Variants in THBS4 observed in about 807,000 individuals in gnomAD.
The protein encoded by THBS4 is thrombospondin-4.
In THBS4, 90 loss-of-function variants were observed where a neutral mutation model predicts 115.7. That is an observed-to-expected ratio of 0.78 (90% CI 0.66 to 0.93). The LOEUF (loss-of-function observed/expected upper bound fraction) is 0.93, where lower values mean the gene tolerates loss of function less well. Among genes scored for constraint, THBS4 ranks in the 40% least tolerant of loss-of-function variants. The pLI is 0.00. For synonymous variants in THBS4, 460 were observed against 479.3 expected (o/e 0.96, Z 0.53); for missense variants, 1,087 against 1,232.7 (o/e 0.88, Z 1.77).
chr5:80,076,356 G>T (rs941967187), intron 15 of THBS4: 3 of 152,278 alleles, frequency 2.0e-5, no homozygotes, highest in Non-Finnish European at 4.4e-5. Flanking sequence ...GCAACATTCT[G>T]ATTTTCATCA....
At chr5:80,032,246 C>A (rs533466157), upstream of THBS4, among the ~76,000 whole-genome samples, 63 of 152,256 alleles carry the variant, frequency 4.1e-4, no homozygotes, top group African/African-American at 1.4e-3. Context: ...TACTGAGACT[C>A]CCTAGCGAAT....
intron 15 of THBS4, 142 bp from the exon 16 acceptor site, chr5:80,076,711 TAA>T (rs1743234068): frequency 2.7e-6 from 2 of 751,628 alleles, no homozygotes; most frequent in African/African-American, 3.6e-5. Flanking sequence ...CAGCCTTATC[TAA>T]GGGAATGACC....
Position 80,083,105 on chromosome 5 carries a change from G to C in THBS4, c.2850G>C (p.Glu950Asp). 6.2e-7 allele frequency: 1 copy of C among 1,614,034 alleles called. No homozygotes were observed. The highest frequency in any genetic ancestry group is 1.1e-5 in the South Asian group (1 of 91,082). Residue 950 changes from glutamate to aspartate, a missense_variant, in exon 22 of 22, where the codon GAG becomes GAC. Around this residue, in one of 3 missense-constraint regions of THBS4, gnomAD observed 103 missense variants for 108.2 expected, o/e 0.95. Coordinates refer to ENST00000350881, the MANE Select transcript of THBS4 (RefSeq NM_003248.6). ...CNDTIPEDFQ[E>D]FQTQNFDRFD... ...ACACCATCCCTGAGGACTTCCAAGA[G>C]TTTCAAACCCAGAATTTCGACCGCT...
At chr5:80,081,243 G>A (rs1171374391) in intron 20 of THBS4, among the ~76,000 whole-genome samples, 1 of 152,124 alleles carries the variant, frequency 6.6e-6, no homozygotes, top group Admixed American at 6.5e-5. Context: ...GTGACATTAT[G>A]TCAAATGTAC....
chr5:80,061,728 T>G lies in THBS4; in HGVS notation c.1021T>G (p.Cys341Gly). 6.2e-7 allele frequency: 1 copy of G among 1,614,214 alleles called. No individual in the cohort carries two copies. Among genetic ancestry groups the G allele is most frequent in the South Asian group, 1.1e-5 (1 of 91,080 alleles). The change falls in exon 8 of 22, where the codon TGC becomes GGC. Residue 341 changes from cysteine to glycine, a missense_variant. Cys to Gly is a radical substitution (Grantham distance 159). Coordinates refer to ENST00000350881, the MANE Select transcript of THBS4 (RefSeq NM_003248.6). ...KYHPCYPGVH[C>G]INLSPGFRCD... is the part of the protein sequence containing the mutation. Reference sequence around the variant, plus strand: ...CCATCCCTGCTACCCGGGCGTGCACTGCATAAATTTGTCTCCTGGCTTCAG... The same window carrying G: ...CCATCCCTGCTACCCGGGCGTGCACGGCATAAATTTGTCTCCTGGCTTCAG...
At chr5:80,081,751 A>C (rs1022338386) in intron 20 of THBS4, among the ~76,000 whole-genome samples, 2 of 152,236 alleles carry the variant, frequency 1.3e-5, no homozygotes, top group Non-Finnish European at 2.9e-5. Flanking sequence ...AGGCCCTGAT[A>C]GTTGCTCTTT....
At position 80,070,744 on chromosome 5, in the gene THBS4, T is replaced by C. The variant is rs1834015005; in HGVS notation, c.1554T>C (p.Asn518=). The change falls in exon 12 of 22, where the codon AAT becomes AAC. Residue 518 remains asparagine, a synonymous_variant. Coordinates refer to ENST00000350881, the MANE Select transcript of THBS4 (RefSeq NM_003248.6). Reference sequence around the variant, plus strand: ...ATGCTGACGGAGATGGGATCCTGAATGAGCAGGTACCTGCTTCGCTGGGAG... The same window carrying C: ...ATGCTGACGGAGATGGGATCCTGAACGAGCAGGTACCTGCTTCGCTGGGAG... ...DEDADGDGIL[N]EQDNCVLIHN... is the part of the protein sequence containing the mutation. 6.2e-7 allele frequency: 1 copy of C among 1,614,054 alleles called. No individual in the cohort carries two copies. Among genetic ancestry groups the C allele is most frequent in the African/African-American group, 1.3e-5 (1 of 74,926 alleles).
intron 20 of THBS4, 159 bp from the exon 21 acceptor site, chr5:80,082,247 C>G (rs2918422): frequency 0.53 from 469,060 of 891,796 alleles, 125,961 homozygotes; most frequent in African/African-American, 0.68. Flanking sequence ...AAGTAAGTGG[C>G]AACAGCTACA....
At chr5:80,007,678 T>C (rs902585280) in intron 2 of THBS4, among the ~76,000 whole-genome samples, 1 of 152,206 alleles carries the variant, frequency 6.6e-6, no homozygotes, top group African/African-American at 2.4e-5. Context: ...AATAGAACTG[T>C]AGCCCAGAGA....
intron 2 of THBS4, among the ~76,000 whole-genome samples, chr5:79,999,715 C>T (rs1831860180): frequency 6.6e-6 from 1 of 152,138 alleles, no homozygotes; most frequent in African/African-American, 2.4e-5. Context: ...GCAAAGTCTC[C>T]TAGCATTTAA....
exon 1 of THBS4, chr5:79,991,383 A>C: frequency 1.3e-6 from 1 of 741,566 alleles, no homozygotes; most frequent in Non-Finnish European, 2.1e-6. Context: ...GGGATTAAGA[A>C]GAACTCTTAG....
At chr5:80,024,075 T>C (rs1186439707) in intron 2 of THBS4, among the ~76,000 whole-genome samples, 1 of 152,130 alleles carries the variant, frequency 6.6e-6, no homozygotes, top group Non-Finnish European at 1.5e-5. Flanking sequence ...AAAATAAAGA[T>C]AATAATAAGG....
intron 9 of THBS4, 68 bp from the exon 10 acceptor site, chr5:80,067,905 G>C: frequency 2.6e-6 from 4 of 1,567,376 alleles, no homozygotes; most frequent in Non-Finnish European, 3.5e-6. Context: ...CACAATAACT[G>C]TACCTTTGCT....
intron 2 of THBS4, among the ~76,000 whole-genome samples, chr5:80,001,325 T>G (rs970195216): frequency 4.6e-5 from 7 of 152,224 alleles, no homozygotes; most frequent in African/African-American, 1.7e-4. Context: ...ATTGAATTCT[T>G]CCTCACAATA....
chr5:79,997,539 A>G (rs1052826874), intron 1 of THBS4, among the ~76,000 whole-genome samples: 3 of 138,420 alleles, frequency 2.2e-5, no homozygotes, highest in African/African-American at 8.4e-5. Context: ...GAAGAAATAG[A>G]CAAATCCATA....
At chr5:80,078,368 C>T in intron 17 of THBS4, 141 bp downstream of exon 17, 1 of 616,866 alleles carries the variant, frequency 1.6e-6, no homozygotes, top group Non-Finnish European at 2.5e-6. Flanking sequence ...AGCCCTATGA[C>T]AGACTACTTC....
intron 8 of THBS4, among the ~76,000 whole-genome samples, chr5:80,063,851 A>G (rs1242763795): frequency 6.6e-6 from 1 of 152,250 alleles, no homozygotes; most frequent in African/African-American, 2.4e-5. Context: ...TCCAAAGTCA[A>G]AGAAAATAAA....
chr5:80,045,247 A>G (rs1049974175), intron 2 of THBS4, among the ~76,000 whole-genome samples: 1 of 152,196 alleles, frequency 6.6e-6, no homozygotes, highest in African/African-American at 2.4e-5. Context: ...AAAGAAACAC[A>G]AGAACTGCTT....
rs536200644 is a variant in THBS4, at chr5:80,076,722, C to A, written c.1893-133C>A. The A allele has an allele frequency of 1.4e-5, 12 of 865,674 alleles. No homozygotes were observed. In the African/African-American group the frequency reaches 1.7e-4, roughly 12 times the overall value. 53.6% of individuals were successfully genotyped at this position (865,674 alleles called of 1,614,324 possible). ...AGGGCAGCCTTATCTAAGGGAATGA[C>A]CCCAGTGGGTTTGATTTTAAGAGCC... is the stretch of plus-strand genomic sequence containing the variant. On this transcript the variant is annotated intron_variant, in intron 15 of 21. Coordinates refer to ENST00000350881, the MANE Select transcript of THBS4 (RefSeq NM_003248.6).
Sources: allele counts gnomAD v4.1 joint callset (sites outside exome capture counted in the v4.1 genomes callset), GRCh38; gene constraint gnomAD v4.1.1; regional missense constraint gnomAD v4.1.1; transcripts MANE v1.5; gene names NCBI Gene and HGNC (gene_info 2026-07-23, HGNC 2026-07-21).